HTR7: variants seen among roughly 807,000 people sequenced by gnomAD.
HTR7 encodes 5-HT-7.
In HTR7, 16 loss-of-function variants were observed where a neutral mutation model predicts 34.0. The ratio of observed to expected loss-of-function variants is 0.47; its 90% confidence interval spans 0.32 to 0.71. The LOEUF (loss-of-function observed/expected upper bound fraction) is 0.71, where lower values mean the gene tolerates loss of function less well. Among genes scored for constraint, HTR7 ranks in the 30% least tolerant of loss-of-function variants. The pLI is 0.04. For missense variants in HTR7, 504 were observed against 625.5 expected, an observed-to-expected ratio of 0.81 and a Z score of 2.07; for synonymous variants, 265 against 260.2, an observed-to-expected ratio of 1.02 and a Z score of -0.18.
chr10:90,753,861 A>G (rs1200848344), intron 1 of HTR7, among the ~76,000 whole-genome samples: 2 of 152,128 alleles, frequency 1.3e-5, no homozygotes, highest in African/African-American at 4.8e-5. Context: ...GATAAGTAAT[A>G]GAATATCATA....
chr10:90,834,513 C>A (rs1043879547), intron 1 of HTR7, among the ~76,000 whole-genome samples: 21 of 152,176 alleles, frequency 1.4e-4, no homozygotes, highest in Non-Finnish European at 2.8e-4. Flanking sequence ...GTCAGCTGGG[C>A]TGTTCCAGTC....
intron 1 of HTR7, among the ~76,000 whole-genome samples, chr10:90,813,779 A>T (rs115571336): frequency 0.016 from 2,399 of 152,204 alleles, 78 homozygotes; most frequent in African/African-American, 0.054. Flanking sequence ...GCCAAACCAC[A>T]TGTACAGTAA....
chr10:90,800,555 T>C (rs530277394), intron 1 of HTR7, among the ~76,000 whole-genome samples: 72 of 142,338 alleles, frequency 5.1e-4, no homozygotes, highest in African/African-American at 1.3e-3. Flanking sequence ...ACAGAACAAA[T>C]ACAACATGAG....
intron 1 of HTR7, among the ~76,000 whole-genome samples, chr10:90,828,362 CA>C (rs1846112514): frequency 6.6e-6 from 1 of 151,974 alleles, no homozygotes; most frequent in Admixed American, 6.6e-5. Flanking sequence ...AATATCAGAG[CA>C]GAAATAAATG....
intron 1 of HTR7, among the ~76,000 whole-genome samples, chr10:90,776,200 C>G (rs113924569): frequency 0.025 from 3,785 of 152,240 alleles, 153 homozygotes; most frequent in African/African-American, 0.082. Flanking sequence ...TTTGTTCCCC[C>G]AGTCTGTTCT....
intron 1 of HTR7, among the ~76,000 whole-genome samples, chr10:90,830,723 G>C (rs1846154856): frequency 6.6e-6 from 1 of 150,438 alleles, no homozygotes; most frequent in South Asian, 2.1e-4. Context: ...GGGAGATGGA[G>C]GCAGCAGTAA....
rs543294121 is a variant in HTR7, at chr10:90,839,483, G to T, written c.539+17650C>A. On this transcript the variant is annotated intron_variant, in intron 1 of 3. Transcript: ENST00000336152. ...TTAAAAGGAAGAAAGCTATGTAGCT[G>T]CCTCTCTTTTAGAGAATGGAATATG... Among the ~76,000 whole-genome samples the T allele has an allele frequency of 3.3e-5, 5 of 152,190 alleles. No individual in the cohort carries two copies. In the South Asian group the frequency reaches 6.2e-4, roughly 19 times the overall value.
intron 1 of HTR7, among the ~76,000 whole-genome samples, chr10:90,759,127 C>T (rs1376838213): frequency 2.1e-5 from 3 of 146,170 alleles, no homozygotes; most frequent in African/African-American, 5.1e-5. Flanking sequence ...GTGGAGGTTG[C>T]GGTGAGCCGA....
chr10:90,766,019 T>C (rs1221431477), intron 1 of HTR7, among the ~76,000 whole-genome samples: 2 of 152,306 alleles, frequency 1.3e-5, no homozygotes, highest in Non-Finnish European at 2.9e-5. Flanking sequence ...ATGTTCTGTA[T>C]ATGTCTGTTA....
intron 1 of HTR7, among the ~76,000 whole-genome samples, chr10:90,822,982 A>G (rs1470029957): frequency 6.6e-6 from 1 of 152,156 alleles, no homozygotes; most frequent in African/African-American, 2.4e-5. Context: ...CTCCACCTAG[A>G]TCTCAGATGA....
In HTR7 at chr10:90,857,705, C is replaced by G. The variant is rs902286445; in HGVS notation, c.-34G>C. On this transcript the variant is annotated 5_prime_UTR_variant, in exon 1 of 4. Transcript: ENST00000336152. The surrounding 1 kb of genome is among the most constrained non-coding windows in gnomAD (Gnocchi z 6.5). ...CGTGTGCCGCTGCCCATGGAGCCGG[C>G]GCCCCGGCCACGCGCCTCCGGCTGC... 2.1e-6 allele frequency: 3 copies of G among 1,457,970 alleles called. No individual in the cohort carries two copies. The highest frequency in any genetic ancestry group is 2.7e-6 in the Non-Finnish European group (3 of 1,118,918). The allele number at this position is 1,457,970 out of a possible 1,614,324, so 90.3% of individuals were successfully genotyped here.
At chr10:90,853,682 T>C (rs755805459) in intron 1 of HTR7, among the ~76,000 whole-genome samples, 1 of 152,200 alleles carries the variant, frequency 6.6e-6, no homozygotes, top group South Asian at 2.1e-4. Flanking sequence ...AGATATTCTA[T>C]ATCTTGATTA....
intron 1 of HTR7, among the ~76,000 whole-genome samples, chr10:90,830,278 C>T (rs895199884): frequency 6.6e-6 from 1 of 152,150 alleles, no homozygotes; most frequent in Non-Finnish European, 1.5e-5. Flanking sequence ...GAATACTCTG[C>T]AATTATTAAA....
At chr10:90,829,647 T>C (rs951937945) in intron 1 of HTR7, among the ~76,000 whole-genome samples, 3 of 152,126 alleles carry the variant, frequency 2.0e-5, no homozygotes, top group South Asian at 2.1e-4. Flanking sequence ...GAGAAAGATA[T>C]AAGAGGCATT....
rs769482942 is a variant in HTR7 at position 90,857,117 on chromosome 10, G to A, written c.539+16C>T. The A allele has an allele frequency of 1.3e-6, 2 of 1,532,242 alleles. No homozygotes were observed. Among genetic ancestry groups the A allele is most frequent in the African/African-American group, 1.4e-5 (1 of 72,970 alleles). The allele number at this position is 1,532,242 out of a possible 1,614,324, so 94.9% of individuals were successfully genotyped here. On this transcript the variant is annotated intron_variant, in intron 1 of 3. Transcript: ENST00000336152. The surrounding 1 kb of genome is among the most constrained non-coding windows in gnomAD (Gnocchi z 6.5). The stretch of plus-strand genomic sequence containing the variant: ...GTCCCCAGCCGGAGCCTGGGACGGG[G>A]CGGTCCGGCCCTTACCTGTCAATGC...
chr10:90,765,495 T>A (rs1845006963), intron 1 of HTR7, among the ~76,000 whole-genome samples: 1 of 151,764 alleles, frequency 6.6e-6, no homozygotes, highest in South Asian at 2.1e-4. Flanking sequence ...GGTTTGTTAG[T>A]CTTTACTACT....
At chr10:90,761,654 G>GTGTC (rs987738372) in intron 1 of HTR7, among the ~76,000 whole-genome samples, 1 of 151,878 alleles carries the variant, frequency 6.6e-6, no homozygotes, top group Non-Finnish European at 1.5e-5. Context: ...GTGTGTGTGT[G>GTGTC]TGTGTGTGTG....
At chr10:90,764,397 A>G (rs1844986168) in intron 1 of HTR7, among the ~76,000 whole-genome samples, 1 of 152,136 alleles carries the variant, frequency 6.6e-6, no homozygotes, top group African/African-American at 2.4e-5. Context: ...ATTTTCTCCC[A>G]TTCTGTAAGT....
chr10:90,810,827 C>A (rs946444611), intron 1 of HTR7, among the ~76,000 whole-genome samples: 5 of 152,162 alleles, frequency 3.3e-5, no homozygotes, highest in Admixed American at 2.0e-4. Flanking sequence ...CAGTCAAGCC[C>A]AAATTTCTTC....
Sources: gnomAD v4.1 joint callset for allele counts (sites outside exome capture counted in the v4.1 genomes callset) on GRCh38, gnomAD v4.1.1 for gene constraint, Gnocchi (gnomAD v3.1) non-coding constraint, MANE v1.5 for transcripts, NCBI Gene and HGNC (gene_info 2026-07-23, HGNC 2026-07-21) for gene names.